ARSB: variants seen among roughly 807,000 people sequenced by gnomAD.
ARSB encodes the protein N-acetylgalactosamine-4-sulfatase.
In ARSB, 41 loss-of-function variants were observed where a neutral mutation model predicts 50.9. The ratio of observed to expected loss-of-function variants is 0.81; its 90% CI spans 0.63 to 1.04. ARSB has a LOEUF of 1.04. Among genes scored for constraint, ARSB ranks in the 50% least tolerant of loss-of-function variants. The pLI, the probability that ARSB is intolerant of heterozygous loss-of-function variation, is 0.00. For missense variants in ARSB, 672 were observed against 693.3 expected, an observed-to-expected ratio of 0.97 and a Z score of 0.35; for synonymous variants, 269 against 284.8, an observed-to-expected ratio of 0.94 and a Z score of 0.56.
intron 6 of ARSB, among the ~76,000 whole-genome samples, chr5:78,801,597 T>C (rs1743395011): frequency 6.6e-6 from 1 of 152,200 alleles, no homozygotes; most frequent in East Asian, 1.9e-4. Context: ...AACTGCAACA[T>C]GGCCCACAGT....
intron 4 of ARSB, among the ~76,000 whole-genome samples, chr5:78,938,720 T>C (rs774390392): frequency 3.3e-5 from 5 of 152,178 alleles, no homozygotes; most frequent in South Asian, 2.1e-4. Flanking sequence ...AATTCTTATA[T>C]GTAAGGGGAA....
At chr5:78,873,881 C>T (rs1304492862) in intron 5 of ARSB, among the ~76,000 whole-genome samples, 1 of 152,164 alleles carries the variant, frequency 6.6e-6, no homozygotes, top group Non-Finnish European at 1.5e-5. Context: ...AGAAAACTGA[C>T]ACAGTAGGGT....
At chr5:78,895,398 T>C (rs1318685277) in intron 4 of ARSB, among the ~76,000 whole-genome samples, 1 of 152,186 alleles carries the variant, frequency 6.6e-6, no homozygotes, top group African/African-American at 2.4e-5. Flanking sequence ...AAAATTAAAA[T>C]GATGACCCTA....
At chr5:78,874,528 A>C (rs1011843279) in intron 5 of ARSB, among the ~76,000 whole-genome samples, 4 of 152,172 alleles carry the variant, frequency 2.6e-5, no homozygotes, top group African/African-American at 9.6e-5. Context: ...ATATAAAGAT[A>C]TTTGTATAAT....
intron 6 of ARSB, among the ~76,000 whole-genome samples, chr5:78,836,004 C>A (rs1744940084): frequency 6.6e-6 from 1 of 152,200 alleles, no homozygotes; most frequent in African/African-American, 2.4e-5. Flanking sequence ...GATTTAACTC[C>A]ACAAAAGCCT....
chr5:78,852,281 G>T lies in ARSB; in HGVS notation c.1143-12855C>A, dbSNP rs1669226398. Among the ~76,000 whole-genome samples, 3 of 152,256 alleles carry T rather than the reference G, an allele frequency of 2.0e-5. No homozygotes were observed. In the South Asian group the frequency reaches 6.2e-4, roughly 32 times the overall value. ...TGACAAAATCTCTCAGCATTTGCTT[G>T]TCTGTATAGTATTTTATTTCTCCTT... On this transcript the variant is annotated intron_variant, in intron 5 of 7. Transcript: ENST00000264914.
intron 7 of ARSB, among the ~76,000 whole-genome samples, 179 bp from the exon 8 acceptor site, chr5:78,780,841 CAT>C (rs1253100497): frequency 6.6e-6 from 1 of 152,052 alleles, no homozygotes; most frequent in Non-Finnish European, 1.5e-5. Flanking sequence ...TTTAACTAGA[CAT>C]GTCTCACTGC....
intron 1 of ARSB, among the ~76,000 whole-genome samples, chr5:78,973,952 C>T (rs1055529826): frequency 6.6e-6 from 1 of 152,200 alleles, no homozygotes; most frequent in Non-Finnish European, 1.5e-5. Context: ...ACCCCTCCAC[C>T]TTATACACCA....
intron 6 of ARSB, among the ~76,000 whole-genome samples, chr5:78,824,754 G>C (rs1744365789): frequency 6.6e-6 from 1 of 152,194 alleles, no homozygotes; most frequent in African/African-American, 2.4e-5. Flanking sequence ...CCCAACTGCT[G>C]AGAGAGACAG....
In ARSB at chr5:78,782,081, G is replaced by C. The variant is rs1488264193; in HGVS notation, c.1214-107C>G. Reference sequence around the variant, plus strand: ...ACAGTAGCTTTTATTCAACACTGGAGTGCAAATGTGTATCTTGCCACAGAA... The same window carrying C: ...ACAGTAGCTTTTATTCAACACTGGACTGCAAATGTGTATCTTGCCACAGAA... On this transcript the variant is annotated intron_variant, in intron 6 of 7. Transcript: ENST00000264914. 8 of 1,341,528 alleles carry C rather than the reference G, an allele frequency of 6.0e-6. No individual in the cohort carries two copies. In the East Asian group the frequency reaches 1.9e-4, roughly 31 times the overall value. The allele number at this position is 1,341,528 out of a possible 1,614,324, so 83.1% of individuals were successfully genotyped here.
At chr5:78,822,483 T>C (rs1744269282) in intron 6 of ARSB, among the ~76,000 whole-genome samples, 1 of 152,152 alleles carries the variant, frequency 6.6e-6, no homozygotes, top group African/African-American at 2.4e-5. Context: ...CTTTGTTGCC[T>C]TTTTTCTTTG....
At chr5:78,811,314 T>C (rs1743797453) in intron 6 of ARSB, among the ~76,000 whole-genome samples, 1 of 152,212 alleles carries the variant, frequency 6.6e-6, no homozygotes, top group Non-Finnish European at 1.5e-5. Context: ...CAGCATTCTT[T>C]CGGTTAGTGG....
chr5:78,781,501 T>C (rs1420278961), intron 7 of ARSB, among the ~76,000 whole-genome samples: 1 of 152,086 alleles, frequency 6.6e-6, no homozygotes, highest in African/African-American at 2.4e-5. Context: ...ATGGAAGCTG[T>C]GTAATTGGGA....
At chr5:78,853,354 G>T (rs1745946856) in intron 5 of ARSB, among the ~76,000 whole-genome samples, 1 of 152,232 alleles carries the variant, frequency 6.6e-6, no homozygotes, top group African/African-American at 2.4e-5. Flanking sequence ...ATCAGCAGCG[G>T]TGGCTGCAGA....
intron 5 of ARSB, among the ~76,000 whole-genome samples, chr5:78,847,240 A>C (rs1015501260): frequency 6.6e-6 from 1 of 151,986 alleles, no homozygotes; most frequent in African/African-American, 2.4e-5. Context: ...CAATCCTCCC[A>C]CCTCAGCCTC....
At chr5:78,873,481 T>C (rs1042304567) in intron 5 of ARSB, among the ~76,000 whole-genome samples, 54 of 142,326 alleles carry the variant, frequency 3.8e-4, no homozygotes, top group African/African-American at 1.3e-3. Context: ...CAGTAGAATA[T>C]AATATTTAAA....
intron 4 of ARSB, among the ~76,000 whole-genome samples, chr5:78,919,373 A>G (rs1641017219): frequency 1.3e-5 from 2 of 152,260 alleles, no homozygotes; most frequent in Admixed American, 6.5e-5. Context: ...GGCAGAGTTC[A>G]TGTATGATCC....
At chr5:78,787,508 T>C (rs1216864007) in intron 6 of ARSB, among the ~76,000 whole-genome samples, 1 of 152,202 alleles carries the variant, frequency 6.6e-6, no homozygotes, top group African/African-American at 2.4e-5. Context: ...ATTTAAGAAA[T>C]ATTTGTTGAT....
chr5:78,780,783 G>A lies in ARSB; in HGVS notation c.1337-121C>T, dbSNP rs948993670. The A allele has an allele frequency of 4.0e-5, 47 of 1,177,094 alleles. No homozygotes were observed. In the East Asian group the frequency reaches 5.1e-4, roughly 13 times the overall value. The allele number at this position is 1,177,094 out of a possible 1,614,324, so 72.9% of individuals were successfully genotyped here. On this transcript the variant is annotated intron_variant, in intron 7 of 7. Coordinates refer to ENST00000264914, the MANE Select transcript of ARSB (RefSeq NM_000046.5). ...TGGGTGTGGAAACATAAAAAGATGCGGCCCTAGATGCTGTCTCTAGATGCT... is the reference window on the plus strand; with the variant it reads ...TGGGTGTGGAAACATAAAAAGATGCAGCCCTAGATGCTGTCTCTAGATGCT...
Sources: gnomAD v4.1 joint callset for allele counts (sites outside exome capture counted in the v4.1 genomes callset) on GRCh38, gnomAD v4.1.1 for gene constraint, MANE v1.5 for transcripts, NCBI Gene and HGNC (gene_info 2026-07-23, HGNC 2026-07-21) for gene names.